The following EYS variants were observed in gnomAD, a reference collection of about 807,000 sequenced individuals.
EYS encodes EGF-like photoreceptor maintenance factor, also known as protein eyes shut homolog.
Under a neutral mutation model 282.1 loss-of-function variants are expected in EYS, and 250 were observed. That is an observed-to-expected ratio of 0.89 (90% CI 0.80 to 0.98). The LOEUF is 0.98. EYS is among the 50% of genes least tolerant of loss of function. EYS has a pLI of 0.00. For synonymous variants in EYS, 1,355 were observed against 1,282.9 expected, an observed-to-expected ratio of 1.06 and a Z score of -1.20; for missense variants, 4,016 against 3,709.0, an observed-to-expected ratio of 1.08 and a Z score of -2.15.
In EYS at chr6:65,555,865, G is replaced by A. The variant is rs1414667282; in HGVS notation, c.-332-59872C>T. ...CAAAAACAGTAAAAAGATGAATACT[G>A]TAAAATATCTCAATAAGGCAATTGA... On this transcript the variant is annotated intron_variant, in intron 2 of 42. Coordinates refer to ENST00000503581, the MANE Select transcript of EYS (RefSeq NM_001142800.2). 4.6e-5 allele frequency among the ~76,000 whole-genome samples: 7 copies of A among 152,204 alleles called. No homozygotes were observed. In the South Asian group the frequency reaches 1.5e-3, roughly 32 times the overall value.
At chr6:64,247,952 G>C (rs78830093) in intron 30 of EYS, among the ~76,000 whole-genome samples, 13 of 152,078 alleles carry the variant, frequency 8.5e-5, no homozygotes, top group Admixed American at 7.9e-4. Context: ...CAGGTTTGAG[G>C]TTAAGAAGAT....
At chr6:64,129,693 G>C (rs1312697501) in intron 31 of EYS, among the ~76,000 whole-genome samples, 2 of 152,266 alleles carry the variant, frequency 1.3e-5, no homozygotes, top group East Asian at 3.9e-4. Flanking sequence ...TTTTAGACAT[G>C]AAGTCCTTGT....
At chr6:65,501,120 A>G (rs933602257) in intron 2 of EYS, among the ~76,000 whole-genome samples, 3 of 151,990 alleles carry the variant, frequency 2.0e-5, no homozygotes, top group Non-Finnish European at 4.4e-5. Context: ...AGTACTTATT[A>G]GAAACAGTTT....
chr6:64,465,732 T>TAAA (rs34941005), intron 26 of EYS, among the ~76,000 whole-genome samples: 6 of 143,882 alleles, frequency 4.2e-5, no homozygotes, highest in South Asian at 2.2e-4. Context: ...GCCAAAAAAG[T>TAAA]AAAAAAAAAA....
chr6:65,588,904 T>TAAAC (rs4032273), intron 2 of EYS, among the ~76,000 whole-genome samples: 77,136 of 151,346 alleles, frequency 0.51, 19,935 homozygotes, highest in East Asian at 0.65. Context: ...AAAAGTGAAA[T>TAAAC]ATATATGATC....
intron 1 of EYS, among the ~76,000 whole-genome samples, chr6:65,688,967 G>A (rs1166297849): frequency 4.6e-5 from 7 of 151,294 alleles, no homozygotes; most frequent in East Asian, 2.1e-4. Context: ...TCAATGTGGC[G>A]ATTCCTCAGG....
chr6:63,802,759 T>C (rs993780975), intron 37 of EYS, among the ~76,000 whole-genome samples: 8 of 151,798 alleles, frequency 5.3e-5, no homozygotes, highest in Admixed American at 2.6e-4. Context: ...GAAAAAGCTC[T>C]TTAGTATGAT....
intron 26 of EYS, among the ~76,000 whole-genome samples, chr6:64,517,145 T>A (rs973101787): frequency 1.4e-4 from 21 of 151,798 alleles, no homozygotes; most frequent in African/African-American, 5.1e-4. Flanking sequence ...CTAAGTAATA[T>A]AGTACAAGAA....
chr6:65,091,806 T>C (rs1774577248), intron 12 of EYS, among the ~76,000 whole-genome samples: 2 of 152,028 alleles, frequency 1.3e-5, no homozygotes, highest in African/African-American at 4.8e-5. Context: ...AGCCATTCGG[T>C]TGTAACCTGT....
At position 65,324,407 on chromosome 6, in the gene EYS, C is replaced by T. The variant is rs540839677; in HGVS notation, c.1766+10573G>A. Among the ~76,000 whole-genome samples, 71 of 152,260 alleles carry T rather than the reference C, an allele frequency of 4.7e-4. 1 individual carries two copies. The South Asian group carries it at 0.014, about 29-fold the overall frequency. On this transcript the variant is annotated intron_variant, in intron 11 of 42. Transcript: ENST00000503581. ...CAGATTTCCAGTTCACATCTTCACC[C>T]TAAGTCCAGGCTATTTCCTCTATGC...
intron 28 of EYS, among the ~76,000 whole-genome samples, chr6:64,428,522 A>G (rs979157201): frequency 3.9e-5 from 6 of 152,156 alleles, no homozygotes; most frequent in African/African-American, 1.2e-4. Context: ...CATCAAAAAC[A>G]AGACATATTT....
At chr6:65,104,194 T>A (rs1346275292) in intron 12 of EYS, among the ~76,000 whole-genome samples, 1 of 151,520 alleles carries the variant, frequency 6.6e-6, no homozygotes, top group African/African-American at 2.4e-5. Context: ...TCACTTCCAA[T>A]GTTTTTCTAA....
At chr6:65,291,304 T>C (rs1427272760) in intron 12 of EYS, among the ~76,000 whole-genome samples, 1 of 151,532 alleles carries the variant, frequency 6.6e-6, no homozygotes, top group Non-Finnish European at 1.5e-5. Context: ...ATAATTGGCA[T>C]AGTGAATGTG....
At chr6:64,171,143 A>C (rs1764466903) in intron 31 of EYS, among the ~76,000 whole-genome samples, 1 of 136,412 alleles carries the variant, frequency 7.3e-6, no homozygotes. Context: ...TGTGTATTTA[A>C]CATTAAACAT....
At chr6:64,207,070 C>G (rs1374696998) in intron 31 of EYS, among the ~76,000 whole-genome samples, 2 of 152,020 alleles carry the variant, frequency 1.3e-5, no homozygotes, top group East Asian at 3.9e-4. Context: ...TGATGACATG[C>G]AGTATTTGAT....
chr6:64,784,672 T>A lies in EYS; in HGVS notation c.3443+28706A>T, dbSNP rs9351432. On this transcript the variant is annotated intron_variant, in intron 22 of 42. Coordinates refer to ENST00000503581, the MANE Select transcript of EYS (RefSeq NM_001142800.2). ...TTTTTATATTACTGCTTGTTGTTGT[T>A]GTTGTTGTTGTTTGGATTTCTATAA... Among the ~76,000 whole-genome samples the A allele has an allele frequency of 6.2e-3, 944 of 152,290 alleles. 41 individuals carry two copies. The East Asian group carries it at 0.12, about 20-fold the overall frequency.
chr6:65,196,412 T>C (rs1409531929), intron 12 of EYS, among the ~76,000 whole-genome samples: 1 of 152,120 alleles, frequency 6.6e-6, no homozygotes, highest in Non-Finnish European at 1.5e-5. Context: ...CAATTGAATA[T>C]GCCCCGTCCC....
At chr6:64,006,806 A>G (rs1768368843) in intron 33 of EYS, among the ~76,000 whole-genome samples, 1 of 151,998 alleles carries the variant, frequency 6.6e-6, no homozygotes, top group African/African-American at 2.4e-5. Flanking sequence ...ATTGATTTGC[A>G]TATGTTTATG....
At chr6:64,357,081 G>T (rs1267453104) in intron 29 of EYS, among the ~76,000 whole-genome samples, 1 of 151,614 alleles carries the variant, frequency 6.6e-6, no homozygotes, top group East Asian at 1.9e-4. Flanking sequence ...CATTTATTCA[G>T]TGGTTCTCTT....
Sources: gnomAD v4.1 joint callset for allele counts (sites outside exome capture counted in the v4.1 genomes callset) on GRCh38, gnomAD v4.1.1 for gene constraint, MANE v1.5 for transcripts, NCBI Gene and HGNC (gene_info 2026-07-23, HGNC 2026-07-21) for gene names.